VPS54: variants seen among roughly 807,000 people sequenced by gnomAD.
VPS54 encodes VPS54 subunit of GARP complex, also known as vacuolar protein sorting-associated protein 54.
A neutral mutation model predicts 121.5 loss-of-function variants in VPS54; 45 were observed. The observed-to-expected ratio is 0.37, with a 90% CI of 0.29 to 0.47. VPS54 has a LOEUF of 0.47. Among genes scored for constraint, VPS54 ranks in the 20% least tolerant of loss-of-function variants. The probability of loss-of-function intolerance (pLI) is 0.99; values close to 1 mark genes in which losing one functional copy is unlikely to be tolerated. For synonymous variants in VPS54, 371 were observed against 385.8 expected, an observed-to-expected ratio of 0.96 and a Z score of 0.45; for missense variants, 1,090 against 1,131.4, an observed-to-expected ratio of 0.96 and a Z score of 0.52.
rs747983033 is a variant in VPS54, at chr2:63,933,835, T to C, written c.1577A>G (p.Glu526Gly). 20 of 1,613,882 alleles carry C rather than the reference T, an allele frequency of 1.2e-5. No individual in the cohort carries two copies. The East Asian group carries it at 4.2e-4, about 34-fold the overall frequency. The change falls in exon 12 of 23, where the codon GAG becomes GGG. Residue 526 changes from glutamate to glycine, a missense_variant. By Grantham distance (98) the Glu-to-Gly change is moderately conservative. This residue lies in a region of VPS54 where 801 missense variants were observed against 757.0 expected (regional missense o/e 1.06). Coordinates refer to ENST00000272322, the MANE Select transcript of VPS54 (RefSeq NM_016516.3). The stretch of plus-strand genomic sequence containing the variant: ...AGTGTCAACTGCTATAGGTGTTAGC[T>C]CACCCTCACCGAATGCATCACTTAT... ...MFISDAFGEG[E>G]LTPIAVDTTS...
chr2:63,989,790 A>G (rs1677228860), intron 1 of VPS54, among the ~76,000 whole-genome samples: 1 of 152,182 alleles, frequency 6.6e-6, no homozygotes, highest in Non-Finnish European at 1.5e-5. Context: ...GTGCCCATGG[A>G]AAAAATGGTC....
chr2:64,000,064 G>C (rs1055616688), intron 1 of VPS54, among the ~76,000 whole-genome samples: 1 of 151,932 alleles, frequency 6.6e-6, no homozygotes, highest in African/African-American at 2.4e-5. Flanking sequence ...GTTTCACCAT[G>C]TTGGCCGGGC....
intron 7 of VPS54, among the ~76,000 whole-genome samples, chr2:63,949,474 G>C (rs139124954): frequency 2.2e-4 from 33 of 152,234 alleles, no homozygotes; most frequent in African/African-American, 7.9e-4. Flanking sequence ...ATGTTGACCA[G>C]AAGCCTTACC....
At chr2:63,939,798 G>A (rs574283696) in intron 11 of VPS54, among the ~76,000 whole-genome samples, 7 of 149,828 alleles carry the variant, frequency 4.7e-5, no homozygotes, top group East Asian at 2.0e-4. Flanking sequence ...GTCTTGCTCC[G>A]TCACCAGGCT....
At chr2:63,953,587 T>C (rs773996295) in intron 7 of VPS54, among the ~76,000 whole-genome samples, 3 of 152,232 alleles carry the variant, frequency 2.0e-5, no homozygotes, top group Non-Finnish European at 4.4e-5. Context: ...CCATTGAGAA[T>C]GCATGCTGTA....
At chr2:63,938,059 G>GGTGTGTGTGT (rs1553475195) in intron 11 of VPS54, among the ~76,000 whole-genome samples, 1,954 of 140,380 alleles carry the variant, frequency 0.014, 24 homozygotes, top group East Asian at 0.035. Context: ...TGGTGTGTGT[G>GGTGTGTGTGT]GTGTGTGTGT....
intron 18 of VPS54, 90 bp downstream of exon 18, chr2:63,913,133 C>T: frequency 9.5e-7 from 1 of 1,048,650 alleles, no homozygotes; most frequent in African/African-American, 1.7e-5. Context: ...TGGTTAGAGC[C>T]ATGAAAACAT....
At chr2:64,011,671 T>C (rs1678438546) in intron 1 of VPS54, among the ~76,000 whole-genome samples, 1 of 152,086 alleles carries the variant, frequency 6.6e-6, no homozygotes, top group African/African-American at 2.4e-5. Context: ...CAACAAAAAA[T>C]AGCTTGGATG....
chr2:64,017,021 T>TTAA (rs1203184301), intron 1 of VPS54, among the ~76,000 whole-genome samples: 14 of 100,384 alleles, frequency 1.4e-4, no homozygotes, highest in African/African-American at 4.8e-4. Flanking sequence ...TTTTGTTGAT[T>TTAA]AAAAAAAAAA....
chr2:63,993,998 TTG>T (rs1018319682), intron 1 of VPS54, among the ~76,000 whole-genome samples: 7 of 152,208 alleles, frequency 4.6e-5, no homozygotes, highest in Admixed American at 1.3e-4. Context: ...GAGAATATGC[TTG>T]TGTGTCACCA....
At chr2:63,919,776 G>A in intron 15 of VPS54, 107 bp downstream of exon 15, 1 of 686,236 alleles carries the variant, frequency 1.5e-6, no homozygotes, top group Non-Finnish European at 2.3e-6. Flanking sequence ...GGAAATATTG[G>A]TTCTAGCTTT....
intron 1 of VPS54, among the ~76,000 whole-genome samples, chr2:63,995,433 T>G (rs1677534710): frequency 6.6e-6 from 1 of 152,222 alleles, no homozygotes; most frequent in Non-Finnish European, 1.5e-5. Flanking sequence ...CTCAATACAT[T>G]TAATTAATGA....
intron 3 of VPS54, among the ~76,000 whole-genome samples, chr2:63,979,472 C>T (rs1006698106): frequency 6.6e-6 from 1 of 152,052 alleles, no homozygotes; most frequent in African/African-American, 2.4e-5. Context: ...AACTCCTGAC[C>T]TCAGGTGATC....
At chr2:63,988,523 T>G (rs887464895) in intron 1 of VPS54, among the ~76,000 whole-genome samples, 1 of 152,328 alleles carries the variant, frequency 6.6e-6, no homozygotes, top group East Asian at 1.9e-4. Context: ...GAAAATTTCA[T>G]GGACATTTGT....
intron 7 of VPS54, among the ~76,000 whole-genome samples, chr2:63,952,291 T>C (rs999937646): frequency 6.6e-6 from 1 of 152,142 alleles, no homozygotes; most frequent in African/African-American, 2.4e-5. Context: ...CTAGATAACC[T>C]AGTTGGTCCA....
chr2:63,955,434 T>C (rs1368770269), intron 7 of VPS54, among the ~76,000 whole-genome samples: 1 of 152,052 alleles, frequency 6.6e-6, no homozygotes, highest in Non-Finnish European at 1.5e-5. Context: ...CCATAAAGAA[T>C]TATGGTGGGA....
chr2:63,937,100 T>G (rs893443425), intron 11 of VPS54, among the ~76,000 whole-genome samples: 2 of 152,132 alleles, frequency 1.3e-5, no homozygotes, highest in African/African-American at 4.8e-5. Context: ...ATTGATTTCT[T>G]GGATATGAAA....
chr2:63,912,781 T>C, intron 18 of VPS54, 120 bp from the exon 19 acceptor site: 6 of 1,270,668 alleles, frequency 4.7e-6, no homozygotes, highest in Non-Finnish European at 5.3e-6. Flanking sequence ...GTTTATTTCA[T>C]AAACGAAGAG....
rs1200103911 is a variant in VPS54, at chr2:63,920,551, G to C, written c.1946C>G (p.Thr649Ser). 2.5e-6 allele frequency: 4 copies of C among 1,577,860 alleles called. No homozygotes were observed. The highest frequency in any genetic ancestry group is 3.4e-6 in the Non-Finnish European group (4 of 1,162,308). The part of the protein sequence containing the change: ...SRLMETFILD[T>S]EQICGRKSTS... ...GCTTTTTCTTCCACAGATCTGTTCG[G>C]TGTCTAAAATGAATGTTTCCATTAA... Residue 649 changes from threonine (T) to serine (S), a missense_variant, in exon 14 of 23, where the codon ACC becomes AGC. Physicochemically the swap from Thr to Ser is moderately conservative, Grantham distance 58 (BLOSUM62 1). This residue lies in a region of VPS54 where 801 missense variants were observed against 757.0 expected (regional missense o/e 1.06). Coordinates refer to ENST00000272322, the MANE Select transcript of VPS54 (RefSeq NM_016516.3).
Sources: gnomAD v4.1 joint callset for allele counts (sites outside exome capture counted in the v4.1 genomes callset) on GRCh38, gnomAD v4.1.1 for gene constraint, gnomAD v4.1.1 regional missense constraint, MANE v1.5 for transcripts, NCBI Gene and HGNC (gene_info 2026-07-23, HGNC 2026-07-21) for gene names.